STK3: variants seen among roughly 807,000 people sequenced by gnomAD.
STK3 encodes serine/threonine-protein kinase 3.
A neutral mutation model predicts 58.0 loss-of-function variants in STK3; 41 were observed. The ratio of observed to expected loss-of-function variants is 0.71; its 90% CI spans 0.55 to 0.92. The LOEUF is 0.92. STK3 is among the 40% of genes least tolerant of loss of function. The probability of loss-of-function intolerance (pLI) is 0.00; values close to 1 mark genes in which losing one functional copy is unlikely to be tolerated. For synonymous variants in STK3, 170 were observed against 191.0 expected (o/e 0.89, Z 0.91); for missense variants, 479 against 602.7 (o/e 0.79, Z 2.15).
intron 6 of STK3, among the ~76,000 whole-genome samples, chr8:98,668,852 G>C (rs945125647): frequency 2.0e-5 from 3 of 152,090 alleles, no homozygotes; most frequent in African/African-American, 7.2e-5. Flanking sequence ...AAAAAGATGA[G>C]TCAATTCTAC....
chr8:98,782,588 A>G (rs904656615), intron 1 of STK3: 1 of 293,340 alleles, frequency 3.4e-6, no homozygotes, highest in Admixed American at 4.0e-5. Context: ...GAAGGAAGAG[A>G]GCATCAAGAC....
At chr8:98,521,233 T>C (rs772641218) in intron 10 of STK3, among the ~76,000 whole-genome samples, 1 of 152,110 alleles carries the variant, frequency 6.6e-6, no homozygotes, top group Non-Finnish European at 1.5e-5. Flanking sequence ...AAGTCAAAAA[T>C]AAATAACTCT....
At chr8:98,629,481 C>T (rs994391245) in intron 6 of STK3, among the ~76,000 whole-genome samples, 2 of 152,192 alleles carry the variant, frequency 1.3e-5, no homozygotes. Flanking sequence ...CTAAACACTA[C>T]TTTAGAACAT....
intron 6 of STK3, among the ~76,000 whole-genome samples, chr8:98,663,441 A>G (rs539276233): frequency 6.6e-6 from 1 of 152,352 alleles, no homozygotes; most frequent in South Asian, 2.1e-4. Flanking sequence ...AACTAATTCA[A>G]CCACTGTGGA....
intron 6 of STK3, among the ~76,000 whole-genome samples, chr8:98,699,271 T>G (rs1197892069): frequency 6.6e-6 from 1 of 152,220 alleles, no homozygotes; most frequent in Non-Finnish European, 1.5e-5. Flanking sequence ...TTCTAAATTT[T>G]TTTCAAAGTT....
At chr8:98,445,869 C>T (rs1425298777) in intron 1 of STK3, among the ~76,000 whole-genome samples, 2 of 152,122 alleles carry the variant, frequency 1.3e-5, no homozygotes, top group African/African-American at 2.4e-5. Flanking sequence ...TGAGTACAGC[C>T]GAGTGTGACC....
intron 2 of STK3, among the ~76,000 whole-genome samples, chr8:98,374,121 A>C (rs1023692356): frequency 6.6e-5 from 10 of 152,356 alleles, no homozygotes; most frequent in African/African-American, 2.4e-4. Context: ...CGTTTGTATT[A>C]TATTTCAGAA....
intron 1 of STK3, chr8:98,778,912 G>C (rs2131514949): frequency 6.6e-6 from 1 of 152,206 alleles, no homozygotes; most frequent in South Asian, 2.1e-4. Context: ...GATAGCATTA[G>C]GAGATATACC....
chr8:98,829,491 A>G (rs1322410457), upstream of STK3, among the ~76,000 whole-genome samples: 25 of 152,244 alleles, frequency 1.6e-4, no homozygotes, highest in Admixed American at 1.6e-3. Flanking sequence ...AAAAGGGAGA[A>G]GACTAATAAT....
intron 3 of STK3, among the ~76,000 whole-genome samples, chr8:98,847,300 G>T (rs1320826915): frequency 6.6e-6 from 1 of 152,136 alleles, no homozygotes; most frequent in Admixed American, 6.5e-5. Context: ...ATTTCCAGTG[G>T]CCACCATTCT....
At position 98,809,514 on chromosome 8, in the gene STK3, C is replaced by T. The variant is rs1012654090; in HGVS notation, c.26+16001G>A. 5.6e-4 allele frequency among the ~76,000 whole-genome samples: 85 copies of T among 152,310 alleles called. 1 individual carries two copies. Among genetic ancestry groups the T allele is most frequent in the African/African-American group, 1.7e-3 (72 of 41,556 alleles). On this transcript the variant is annotated intron_variant, in intron 1 of 10. Coordinates refer to ENST00000419617, the MANE Select transcript of STK3 (RefSeq NM_006281.4). Reference sequence around the variant, plus strand: ...TTAAATAACTTTCCATTTTCCACTTCCCCATAGTCCCGTGTAACCACTATT... The same window carrying T: ...TTAAATAACTTTCCATTTTCCACTTTCCCATAGTCCCGTGTAACCACTATT...
chr8:98,489,798 T>G (rs145667790), intron 10 of STK3, among the ~76,000 whole-genome samples: 11 of 152,206 alleles, frequency 7.2e-5, no homozygotes, highest in African/African-American at 2.7e-4. Flanking sequence ...GAAAAAAATT[T>G]TATACTCACT....
At chr8:98,352,471 C>T in the STK3 span, among the ~76,000 whole-genome samples, 1 of 152,170 alleles carries the variant, frequency 6.6e-6, no homozygotes, top group African/African-American at 2.4e-5. Flanking sequence ...TGAGCTCCAA[C>T]ATGATGCAAG....
At chr8:98,898,413 A>G (rs889936173) in intron 1 of STK3, among the ~76,000 whole-genome samples, 14 of 152,352 alleles carry the variant, frequency 9.2e-5, no homozygotes, top group Middle Eastern at 3.4e-3. Context: ...AGCTAGGGCC[A>G]AAACAATAGG....
chr8:98,848,662 T>C (rs1255626883), intron 3 of STK3, among the ~76,000 whole-genome samples: 2 of 152,242 alleles, frequency 1.3e-5, no homozygotes, highest in South Asian at 2.1e-4. Flanking sequence ...GGTTCATCCT[T>C]GTGGTAGCAT....
intron 1 of STK3, among the ~76,000 whole-genome samples, chr8:98,788,081 G>A (rs1832580913): frequency 6.6e-6 from 1 of 152,120 alleles, no homozygotes; most frequent in Admixed American, 6.6e-5. Flanking sequence ...ATCGCATAAT[G>A]AATGGAATGA....
chr8:98,451,069 G>C (rs1342471115), downstream of STK3, among the ~76,000 whole-genome samples: 1 of 152,120 alleles, frequency 6.6e-6, no homozygotes, highest in Non-Finnish European at 1.5e-5. Flanking sequence ...TCTTGTGGAG[G>C]TTTGAGATGG....
intron 1 of STK3, among the ~76,000 whole-genome samples, chr8:98,916,487 A>C (rs1313718266): frequency 2.0e-5 from 3 of 152,212 alleles, no homozygotes; most frequent in African/African-American, 7.2e-5. Flanking sequence ...CATGCAGTGA[A>C]GGATGCCAAA....
At chr8:98,891,300 G>T (rs1838190667) in intron 1 of STK3, among the ~76,000 whole-genome samples, 2 of 152,162 alleles carry the variant, frequency 1.3e-5, no homozygotes, top group Non-Finnish European at 2.9e-5. Context: ...AAGCATTTAA[G>T]GCAGACCAGG....
Sources: allele counts gnomAD v4.1 joint callset (sites outside exome capture counted in the v4.1 genomes callset), GRCh38; gene constraint gnomAD v4.1.1; transcripts MANE v1.5; gene names NCBI Gene and HGNC (gene_info 2026-07-23, HGNC 2026-07-21).